Variants in RNF217 observed in about 807,000 individuals in gnomAD.
RNF217 encodes the protein ring finger protein 217, also known as E3 ubiquitin-protein ligase RNF217.
Under a neutral mutation model 57.8 loss-of-function variants are expected in RNF217, and 31 were observed. The ratio of observed to expected loss-of-function variants is 0.54; its 90% CI spans 0.40 to 0.72. The LOEUF (loss-of-function observed/expected upper bound fraction) is 0.72, where lower values mean the gene tolerates loss of function less well. Among genes scored for constraint, RNF217 ranks in the 30% least tolerant of loss-of-function variants. RNF217 has a pLI of 0.00. For missense variants in RNF217, 696 were observed against 708.3 expected (o/e 0.98, Z 0.20); for synonymous variants, 313 against 294.0 (o/e 1.06, Z -0.66).
chr6:124,980,936 T>C (rs1158169822), intron 1 of RNF217, among the ~76,000 whole-genome samples: 1 of 152,236 alleles, frequency 6.6e-6, no homozygotes, highest in Non-Finnish European at 1.5e-5. Context: ...TTAAAATAGA[T>C]ATGTTCCATG....
chr6:125,043,414 A>G (rs1317107344), intron 1 of RNF217, among the ~76,000 whole-genome samples: 2 of 151,798 alleles, frequency 1.3e-5, no homozygotes, highest in Non-Finnish European at 2.9e-5. Flanking sequence ...AGATTACTAT[A>G]CTTCTCCTGA....
At chr6:124,983,488 A>G in intron 1 of RNF217, 1 of 984,562 alleles carries the variant, frequency 1.0e-6, no homozygotes, top group Non-Finnish European at 1.2e-6. Context: ...ACTTGTCACT[A>G]ATGAAAAGGA....
At chr6:124,973,674 A>C (rs1783847193) in intron 1 of RNF217, among the ~76,000 whole-genome samples, 1 of 152,216 alleles carries the variant, frequency 6.6e-6, no homozygotes, top group Non-Finnish European at 1.5e-5. Context: ...CAGAAACCCC[A>C]ATGACTTGCA....
At chr6:125,050,655 T>C (rs559172630) in intron 2 of RNF217, among the ~76,000 whole-genome samples, 1 of 151,914 alleles carries the variant, frequency 6.6e-6, no homozygotes, top group Non-Finnish European at 1.5e-5. Flanking sequence ...GTTTCCCATA[T>C]ATAAGAATGT....
chr6:125,079,687 T>G (rs1788505128), intron 4 of RNF217, among the ~76,000 whole-genome samples: 1 of 152,142 alleles, frequency 6.6e-6, no homozygotes, highest in Admixed American at 6.6e-5. Flanking sequence ...ACAATTCTTT[T>G]GCAAAGAAAT....
intron 1 of RNF217, among the ~76,000 whole-genome samples, chr6:124,975,520 T>C (rs1330030715): frequency 6.6e-6 from 1 of 152,152 alleles, no homozygotes; most frequent in African/African-American, 2.4e-5. Context: ...AGCCTCTAAC[T>C]CCCAGGCTTA....
rs1177795388 is a variant in RNF217 at position 125,089,668 on chromosome 6, C to G, written c.*6731C>G. ...CAGGAAAGAAAAAGGGAGAGACAGA[C>G]TTGAGTGTTAAAGGACCCCAGAAAT... On this transcript the variant is annotated 3_prime_UTR_variant, in exon 6 of 6. Coordinates refer to ENST00000521654, the MANE Select transcript of RNF217 (RefSeq NM_001286398.3). 6.6e-6 allele frequency: 1 copy of G among 152,116 alleles called. No homozygotes were observed. Among genetic ancestry groups the G allele is most frequent in the African/African-American group, 2.4e-5 (1 of 41,418 alleles). The allele number at this position is 152,116 out of a possible 1,614,324, so 9.4% of individuals were successfully genotyped here.
At chr6:125,079,066 A>C (rs1380406999) in intron 4 of RNF217, among the ~76,000 whole-genome samples, 1 of 152,108 alleles carries the variant, frequency 6.6e-6, no homozygotes, top group Non-Finnish European at 1.5e-5. Flanking sequence ...AGAGGCAGAG[A>C]AAGGGCCTTC....
At chr6:124,983,935 A>G (rs138857014) in intron 1 of RNF217, among the ~76,000 whole-genome samples, 1 of 152,168 alleles carries the variant, frequency 6.6e-6, no homozygotes, top group Non-Finnish European at 1.5e-5. Context: ...CCTGTTCCTC[A>G]TGCATGGCAC....
At chr6:125,066,459 A>AT (rs1314329658) in intron 3 of RNF217, among the ~76,000 whole-genome samples, 3 of 152,066 alleles carry the variant, frequency 2.0e-5, no homozygotes, top group Non-Finnish European at 4.4e-5. Context: ...AACTGCAGGT[A>AT]TTCTCCCTTC....
rs565955729 is a variant in RNF217 at position 125,090,613 on chromosome 6, T to C, written c.*7676T>C. The C allele has an allele frequency of 5.9e-5, 9 of 151,874 alleles. No individual in the cohort carries two copies. The highest frequency in any genetic ancestry group is 1.9e-4 in the African/African-American group (8 of 41,570). 9.4% of individuals were successfully genotyped at this position (151,874 alleles called of 1,614,324 possible). A position where few individuals can be genotyped will look rare whatever the true frequency, so the allele number is the denominator to read the frequency against. On this transcript the variant is annotated 3_prime_UTR_variant, in exon 6 of 6. Coordinates refer to ENST00000521654, the MANE Select transcript of RNF217 (RefSeq NM_001286398.3). ...ATTTTAATTATATTCTCCTTAACAA[T>C]AGAAAATTAGAAGAAATTTCTTGAT...
chr6:125,041,567 A>C (rs1467562807), intron 1 of RNF217, among the ~76,000 whole-genome samples: 1 of 152,120 alleles, frequency 6.6e-6, no homozygotes, highest in African/African-American at 2.4e-5. Context: ...TGCTCTGAGC[A>C]GAGGCAAATC....
chr6:125,060,696 C>T (rs1787696990), intron 3 of RNF217, among the ~76,000 whole-genome samples: 1 of 152,142 alleles, frequency 6.6e-6, no homozygotes, highest in Non-Finnish European at 1.5e-5. Context: ...CCACCCGCCT[C>T]AGCCTCCCAA....
chr6:125,063,073 T>C (rs9491295), intron 3 of RNF217, among the ~76,000 whole-genome samples: 5,489 of 152,274 alleles, frequency 0.036, 312 homozygotes, highest in African/African-American at 0.12. Context: ...TAGTTCGTAA[T>C]AGTTTTAATA....
At chr6:124,977,978 G>A (rs1035634365) in intron 1 of RNF217, among the ~76,000 whole-genome samples, 9 of 152,088 alleles carry the variant, frequency 5.9e-5, no homozygotes, top group African/African-American at 2.2e-4. Flanking sequence ...AATCAAAAGG[G>A]AGGAGAGCTG....
intron 1 of RNF217, among the ~76,000 whole-genome samples, chr6:124,981,382 G>A (rs1053228809): frequency 6.6e-6 from 1 of 152,170 alleles, no homozygotes; most frequent in Non-Finnish European, 1.5e-5. Context: ...GTGTGTCCAA[G>A]GTGGTCGGGG....
chr6:125,014,938 T>C (rs927708057), intron 1 of RNF217, among the ~76,000 whole-genome samples: 5 of 152,150 alleles, frequency 3.3e-5, no homozygotes, highest in African/African-American at 1.2e-4. Flanking sequence ...CTCAAAATCC[T>C]CTTCAGGCCA....
At chr6:125,077,951 AAGAT>A (rs1788440169) in intron 4 of RNF217, among the ~76,000 whole-genome samples, 1 of 152,202 alleles carries the variant, frequency 6.6e-6, no homozygotes. Context: ...TATCAGGTAA[AAGAT>A]AGAACATGTA....
rs111669612 is a variant in RNF217, at chr6:124,989,572, C to G, written c.882+26146C>G. ...TCTGCCATTGTCACACAAAAGCAGC[C>G]ATAAACAGTGCATAAATGATGAGCA... is the stretch of plus-strand genomic sequence containing the variant. On this transcript the variant is annotated intron_variant, in intron 1 of 5. Transcript: ENST00000521654. Among the ~76,000 whole-genome samples the G allele has an allele frequency of 3.9e-3, 594 of 152,206 alleles. 6 individuals carry two copies. The highest frequency in any genetic ancestry group is 0.014 in the African/African-American group (564 of 41,526).
Sources: allele counts gnomAD v4.1 joint callset (sites outside exome capture counted in the v4.1 genomes callset), GRCh38; gene constraint gnomAD v4.1.1; transcripts MANE v1.5; gene names NCBI Gene and HGNC (gene_info 2026-07-23, HGNC 2026-07-21).